Variants in ETV6 observed in about 807,000 individuals in gnomAD.
The protein encoded by ETV6 is ETS variant transcription factor 6, also known as transcription factor ETV6.
In ETV6, 16 loss-of-function variants were observed where a neutral mutation model predicts 51.1. The observed-to-expected ratio is 0.31, with a 90% CI of 0.21 to 0.48. The LOEUF (loss-of-function observed/expected upper bound fraction) is 0.48, where lower values mean the gene tolerates loss of function less well. Among genes scored for constraint, ETV6 ranks in the 20% least tolerant of loss-of-function variants. The pLI, the probability that ETV6 is intolerant of heterozygous loss-of-function variation, is 0.99. For synonymous variants in ETV6, 240 were observed against 224.1 expected (o/e 1.07, Z -0.64); for missense variants, 458 against 594.8 (o/e 0.77, Z 2.39).
Position 11,887,532 on chromosome 12 carries a change from G to A in ETV6, c.1253+1506G>A, listed in dbSNP as rs1215845794. Among the ~76,000 whole-genome samples, 4 of 151,936 alleles carry A rather than the reference G, an allele frequency of 2.6e-5. No individual in the cohort carries two copies. In the South Asian group the frequency reaches 6.2e-4, roughly 24 times the overall value. ...TGGGAGGCTGAGGTGGGCAGATCACGAGGTCAAGAGATCGAGACCATCCTG... is the reference window on the plus strand; with the variant it reads ...TGGGAGGCTGAGGTGGGCAGATCACAAGGTCAAGAGATCGAGACCATCCTG... On this transcript the variant is annotated intron_variant, in intron 7 of 7. Transcript: ENST00000396373.
At position 11,891,565 on chromosome 12, in the gene ETV6, A is replaced by G. The variant is rs760940614; in HGVS notation, c.*519A>G. 10 of 535,282 alleles carry G rather than the reference A, an allele frequency of 1.9e-5. No individual in the cohort carries two copies. Among genetic ancestry groups the G allele is most frequent in the Non-Finnish European group, 3.6e-5 (10 of 275,806 alleles). 33.2% of individuals were successfully genotyped at this position (535,282 alleles called of 1,614,324 possible). A position where few individuals can be genotyped will look rare whatever the true frequency, so the allele number is the denominator to read the frequency against. On this transcript the variant is annotated 3_prime_UTR_variant, in exon 8 of 8. Coordinates refer to ENST00000396373, the MANE Select transcript of ETV6 (RefSeq NM_001987.5). ...GGTTCCTCTTTTTCCTGCCACGTGG[A>G]TCAGGTCTGTTCCTGTTACTGTTGG...
At chr12:11,748,731 T>A (rs1256551415) in intron 1 of ETV6, among the ~76,000 whole-genome samples, 3 of 152,154 alleles carry the variant, frequency 2.0e-5, no homozygotes, top group African/African-American at 7.2e-5. Context: ...TACAGGGAAG[T>A]CACGGGCTCC....
chr12:11,752,474 C>G lies in ETV6; in HGVS notation c.58C>G (p.Pro20Ala). The G allele has an allele frequency of 6.2e-7, 1 of 1,613,832 alleles. No individual in the cohort carries two copies. The highest frequency in any genetic ancestry group is 1.1e-5 in the South Asian group (1 of 91,046). Reference sequence around the variant, plus strand: ...GCAGGAACGAATTTCATATACACCTCCAGAGAGCCCAGTGCCGAGTTACGC... The same window carrying G: ...GCAGGAACGAATTTCATATACACCTGCAGAGAGCCCAGTGCCGAGTTACGC... ...IKQERISYTP[P>A]ESPVPSYASS... Residue 20 changes from proline to alanine, a missense_variant, in exon 2 of 8, where the codon CCA becomes GCA. Coordinates refer to ENST00000396373, the MANE Select transcript of ETV6 (RefSeq NM_001987.5).
intron 2 of ETV6, chr12:11,768,971 A>G (rs749273268): frequency 4.2e-6 from 2 of 480,496 alleles, no homozygotes; most frequent in African/African-American, 1.9e-5. Flanking sequence ...CTGTTTAACA[A>G]GGATTGATTG....
At chr12:11,814,983 C>T (rs138367690) in intron 2 of ETV6, among the ~76,000 whole-genome samples, 233 of 152,252 alleles carry the variant, frequency 1.5e-3, no homozygotes, top group African/African-American at 5.3e-3. Context: ...GAGCTCAGTC[C>T]CAGCAAAAGC....
At chr12:11,747,023 G>A (rs1354463786) in intron 1 of ETV6, among the ~76,000 whole-genome samples, 1 of 152,028 alleles carries the variant, frequency 6.6e-6, no homozygotes, top group Non-Finnish European at 1.5e-5. Context: ...TAGAGAAAGG[G>A]CACTCCTTAA....
chr12:11,752,537 C>T lies in ETV6; in HGVS notation c.121C>T (p.Leu41Phe). The T allele has an allele frequency of 1.2e-6, 2 of 1,613,876 alleles. No individual in the cohort carries two copies. Among genetic ancestry groups the T allele is most frequent in the East Asian group, 4.5e-5 (2 of 44,878 alleles). The stretch of plus-strand genomic sequence containing the variant: ...ACTTCATGTTCCAGTGCCTCGAGCG[C>T]TCAGGATGGAGGAAGACTCGATCCG... ...TPLHVPVPRA[L>F]RMEEDSIRLP... The change falls in exon 2 of 8, where the codon CTC becomes TTC. Residue 41 changes from leucine (L) to phenylalanine (F), a missense_variant. By Grantham distance (22) the Leu-to-Phe change is conservative. Coordinates refer to ENST00000396373, the MANE Select transcript of ETV6 (RefSeq NM_001987.5).
chr12:11,839,111 T>C (rs1305556326), intron 2 of ETV6, 29 bp from the exon 3 acceptor site: 5 of 1,599,612 alleles, frequency 3.1e-6, no homozygotes, highest in East Asian at 4.5e-5. Flanking sequence ...CTTTCTCTCT[T>C]TCTTTCTGCC....
At chr12:11,823,845 C>G (rs1336086748) in intron 2 of ETV6, among the ~76,000 whole-genome samples, 1 of 152,126 alleles carries the variant, frequency 6.6e-6, no homozygotes, top group African/African-American at 2.4e-5. Context: ...ATTCAGCCCC[C>G]CTTGACTGCC....
chr12:11,654,595 G>A (rs909842147), intron 1 of ETV6, among the ~76,000 whole-genome samples: 1 of 127,912 alleles, frequency 7.8e-6, no homozygotes, highest in African/African-American at 2.5e-5. Flanking sequence ...AAGATGGTAT[G>A]TGGGGGTAGA....
chr12:11,671,571 T>C (rs910016164), intron 1 of ETV6, among the ~76,000 whole-genome samples: 1 of 152,216 alleles, frequency 6.6e-6, no homozygotes, highest in East Asian at 1.9e-4. Flanking sequence ...ATGTATCAAA[T>C]CATTACATGT....
At chr12:11,728,954 T>G (rs1224701355) in intron 1 of ETV6, among the ~76,000 whole-genome samples, 1 of 152,264 alleles carries the variant, frequency 6.6e-6, no homozygotes, top group African/African-American at 2.4e-5. Flanking sequence ...ATATTCTTCT[T>G]TAGCATTATT....
Position 11,888,881 on chromosome 12 carries a change from C to T in ETV6, c.1254-2060C>T, listed in dbSNP as rs1207239517. 2.0e-5 allele frequency among the ~76,000 whole-genome samples: 3 copies of T among 152,124 alleles called. No homozygotes were observed. In the East Asian group the frequency reaches 5.8e-4, roughly 29 times the overall value. ...TTTTGAATACAGGTTGAGTATCCCT[C>T]ATCTGGAATGCTTGGGACCAGAAGT... On this transcript the variant is annotated intron_variant, in intron 7 of 7. Coordinates refer to ENST00000396373, the MANE Select transcript of ETV6 (RefSeq NM_001987.5).
chr12:11,887,813 C>T (rs1439932515), intron 7 of ETV6, among the ~76,000 whole-genome samples: 1 of 151,872 alleles, frequency 6.6e-6, no homozygotes, highest in Non-Finnish European at 1.5e-5. Flanking sequence ...TCATCAGGGG[C>T]ATCACTGCTG....
intron 2 of ETV6, among the ~76,000 whole-genome samples, chr12:11,755,683 G>A (rs61921784): frequency 3.3e-5 from 5 of 152,272 alleles, no homozygotes; most frequent in African/African-American, 9.6e-5. Flanking sequence ...CCAGGGAATT[G>A]GGTTATTGCT....
intron 2 of ETV6, among the ~76,000 whole-genome samples, chr12:11,812,807 A>C (rs1945933832): frequency 6.6e-6 from 1 of 152,118 alleles, no homozygotes; most frequent in Non-Finnish European, 1.5e-5. Context: ...TGTGCTGGGG[A>C]CTGTATTGAG....
At chr12:11,764,351 G>T (rs1000119495) in intron 2 of ETV6, among the ~76,000 whole-genome samples, 6 of 152,200 alleles carry the variant, frequency 3.9e-5, no homozygotes, top group African/African-American at 1.4e-4. Flanking sequence ...TGAGCCTGGA[G>T]CTCTGAGGCC....
intron 2 of ETV6, among the ~76,000 whole-genome samples, chr12:11,832,757 T>G (rs1946263027): frequency 6.6e-6 from 1 of 152,264 alleles, no homozygotes. Flanking sequence ...CTGATGTTGC[T>G]TTCATGGATG....
chr12:11,726,714 G>A (rs1404809019), intron 1 of ETV6, among the ~76,000 whole-genome samples: 2 of 152,186 alleles, frequency 1.3e-5, no homozygotes, highest in African/African-American at 4.8e-5. Context: ...AGGCTGCAGT[G>A]AGCCGTGATC....
Sources: allele counts gnomAD v4.1 joint callset (sites outside exome capture counted in the v4.1 genomes callset), GRCh38; gene constraint gnomAD v4.1.1; transcripts MANE v1.5; gene names NCBI Gene and HGNC (gene_info 2026-07-23, HGNC 2026-07-21).